Variants in GADL1 observed in about 807,000 individuals in gnomAD.
The protein encoded by GADL1 is GAD like acidic amino acid decarboxylase 1.
GADL1 carries 71 observed loss-of-function variants against 69.5 expected under a neutral mutation model. The observed-to-expected ratio is 1.02, with a 90% CI of 0.84 to 1.25. The LOEUF is 1.25. Ranked by LOEUF, GADL1 falls within the 50% of genes most tolerant of loss-of-function variation. GADL1 has a pLI of 0.00. For missense variants in GADL1, 737 were observed against 631.8 expected, an observed-to-expected ratio of 1.17 and a Z score of -1.79; for synonymous variants, 254 against 214.4, an observed-to-expected ratio of 1.18 and a Z score of -1.62.
chr3:30,753,928 C>T (rs1450461725), intron 14 of GADL1, among the ~76,000 whole-genome samples: 1 of 152,090 alleles, frequency 6.6e-6, no homozygotes, highest in Non-Finnish European at 1.5e-5. Flanking sequence ...AAGAGGGAAG[C>T]AATTGCCTAA....
intron 14 of GADL1, among the ~76,000 whole-genome samples, chr3:30,755,561 C>T (rs976204374): frequency 3.3e-5 from 5 of 150,602 alleles, no homozygotes; most frequent in Admixed American, 6.6e-5. Flanking sequence ...CAATATGTTA[C>T]GACAGGAAAT....
intron 13 of GADL1, among the ~76,000 whole-genome samples, chr3:30,783,483 T>A (rs1038199900): frequency 3.3e-5 from 5 of 150,666 alleles, no homozygotes; most frequent in Non-Finnish European, 7.4e-5. Context: ...CACTTACAAT[T>A]TCCAATGTTC....
chr3:30,820,074 A>G lies in GADL1; in HGVS notation c.1050+13779T>C, dbSNP rs181118637. On this transcript the variant is annotated intron_variant, in intron 11 of 14. Coordinates refer to ENST00000282538, the MANE Select transcript of GADL1 (RefSeq NM_207359.3). The stretch of plus-strand genomic sequence containing the variant: ...ATCCAACCAAGATAAAAACACAAAG[A>G]ATAGATCTATATTATGTACATGGAG... Among the ~76,000 whole-genome samples, 364 of 151,802 alleles carry G rather than the reference A, an allele frequency of 2.4e-3. 2 individuals carry two copies. The highest frequency in any genetic ancestry group is 8.5e-3 in the African/African-American group (355 of 41,538).
At position 30,851,626 on chromosome 3, in the gene GADL1, A is replaced by G. The variant is rs936462673; in HGVS notation, c.429-685T>C. Among the ~76,000 whole-genome samples the G allele has an allele frequency of 2.0e-5, 3 of 151,272 alleles. 1 individual carries two copies. Among genetic ancestry groups the G allele is most frequent in the Non-Finnish European group, 1.5e-5 (1 of 67,944 alleles). ...AGCTACCTCCTCCAGGGTCACACCC[A>G]TTCTTGTGGTGGTCTACACCTGATA... On this transcript the variant is annotated intron_variant, in intron 4 of 14. Transcript: ENST00000282538.
At chr3:30,820,466 CT>C (rs1238456362) in intron 11 of GADL1, among the ~76,000 whole-genome samples, 2 of 152,036 alleles carry the variant, frequency 1.3e-5, no homozygotes, top group African/African-American at 2.4e-5. Flanking sequence ...AAGAGAATAA[CT>C]TAAAATCTCT....
intron 14 of GADL1, among the ~76,000 whole-genome samples, chr3:30,775,834 C>T (rs1195335276): frequency 2.0e-5 from 3 of 152,186 alleles, no homozygotes; most frequent in East Asian, 3.9e-4. Context: ...CGGTGGCTCA[C>T]GCCTGTAATC....
intron 14 of GADL1, among the ~76,000 whole-genome samples, chr3:30,733,938 G>A (rs991737782): frequency 1.3e-5 from 2 of 152,132 alleles, no homozygotes; most frequent in African/African-American, 2.4e-5. Context: ...TATCTAGAAG[G>A]CAGAGTTTTT....
At chr3:30,765,077 A>T (rs1212107787) in intron 14 of GADL1, among the ~76,000 whole-genome samples, 1 of 152,010 alleles carries the variant, frequency 6.6e-6, no homozygotes, top group Non-Finnish European at 1.5e-5. Flanking sequence ...CAGAACCAAA[A>T]CTAAATAGCA....
intron 1 of GADL1, among the ~76,000 whole-genome samples, chr3:30,871,128 A>G (rs1698476771): frequency 6.7e-6 from 1 of 150,008 alleles, no homozygotes; most frequent in Non-Finnish European, 1.5e-5. Context: ...GGGTCTGTAA[A>G]TGAGGGAAGG....
In GADL1 at chr3:30,800,753, C is replaced by CA. The variant is rs1470232293; in HGVS notation, c.1250+135dup. 26 of 697,518 alleles carry CA rather than the reference C, an allele frequency of 3.7e-5. No homozygotes were observed. In the East Asian group the frequency reaches 6.8e-4, roughly 18 times the overall value. The allele number at this position is 697,518 out of a possible 1,614,324, so 43.2% of individuals were successfully genotyped here. On this transcript the variant is annotated intron_variant, in intron 12 of 14. Transcript: ENST00000282538. ...ATGCACAAATGAAAACATGTACTTG[C>CA]AACACATTTCAAGTATTACTTTCCT...
At chr3:30,734,923 T>C (rs1695519279) in intron 14 of GADL1, among the ~76,000 whole-genome samples, 1 of 152,172 alleles carries the variant, frequency 6.6e-6, no homozygotes, top group Admixed American at 6.5e-5. Context: ...TTTAGCACCT[T>C]CATGTTTCTT....
intron 6 of GADL1, among the ~76,000 whole-genome samples, chr3:30,845,940 TCCAA>T (rs1239160315): frequency 1.3e-5 from 2 of 151,598 alleles, no homozygotes; most frequent in Non-Finnish European, 2.9e-5. Flanking sequence ...GCAAAATATC[TCCAA>T]CCAATGAATC....
At chr3:30,888,137 T>A (rs9860101) in intron 1 of GADL1, among the ~76,000 whole-genome samples, 7,512 of 152,210 alleles carry the variant, frequency 0.049, 661 homozygotes, top group African/African-American at 0.17. Flanking sequence ...TCTATTTTTT[T>A]AAAATATTTT....
chr3:30,821,608 C>T (rs1173286876), intron 11 of GADL1, among the ~76,000 whole-genome samples: 1 of 151,858 alleles, frequency 6.6e-6, no homozygotes, highest in Non-Finnish European at 1.5e-5. Flanking sequence ...AGGCTAAAAT[C>T]ACACAAAGAT....
At chr3:30,766,158 A>G (rs1696270596) in intron 14 of GADL1, among the ~76,000 whole-genome samples, 1 of 152,222 alleles carries the variant, frequency 6.6e-6, no homozygotes, top group Non-Finnish European at 1.5e-5. Flanking sequence ...AGAAACAAGT[A>G]TATATCTGAG....
intron 13 of GADL1, among the ~76,000 whole-genome samples, chr3:30,781,492 CA>C: frequency 6.6e-6 from 1 of 152,258 alleles, no homozygotes; most frequent in East Asian, 1.9e-4. Context: ...CACACAGATT[CA>C]AACAATCATG....
intron 14 of GADL1, among the ~76,000 whole-genome samples, chr3:30,757,289 A>G (rs1308879188): frequency 2.0e-5 from 3 of 152,180 alleles, no homozygotes; most frequent in Admixed American, 2.0e-4. Flanking sequence ...TCTGAAATCA[A>G]CCTACCCAGC....
At chr3:30,779,943 G>A (rs1696622158) in intron 13 of GADL1, among the ~76,000 whole-genome samples, 1 of 152,110 alleles carries the variant, frequency 6.6e-6, no homozygotes, top group African/African-American at 2.4e-5. Context: ...ACTTTCATGG[G>A]TCTCCTACAG....
chr3:30,844,160 TGC>T (rs765771872), intron 8 of GADL1, 48 bp downstream of exon 8: 17 of 1,429,606 alleles, frequency 1.2e-5, no homozygotes, highest in Non-Finnish European at 1.5e-5. Context: ...CGCGCGGGCG[TGC>T]GCGCACACAC....
Sources: allele counts gnomAD v4.1 joint callset (sites outside exome capture counted in the v4.1 genomes callset), GRCh38; gene constraint gnomAD v4.1.1; transcripts MANE v1.5; gene names NCBI Gene and HGNC (gene_info 2026-07-23, HGNC 2026-07-21).